The following TCAIM variants were observed in gnomAD, a reference collection of about 807,000 sequenced individuals.
The protein encoded by TCAIM is T-cell activation inhibitor, mitochondrial.
Under a neutral mutation model 58.6 loss-of-function variants are expected in TCAIM, and 36 were observed. The observed-to-expected ratio is 0.61, with a 90% CI of 0.47 to 0.81. The LOEUF is 0.81. TCAIM is among the 30% of genes least tolerant of loss of function. The probability of loss-of-function intolerance (pLI) is 0.00; values close to 1 mark genes in which losing one functional copy is unlikely to be tolerated. For synonymous variants in TCAIM, 172 were observed against 193.6 expected (o/e 0.89, Z 0.93); for missense variants, 466 against 579.6 (o/e 0.80, Z 2.01).
At position 44,372,064 on chromosome 3, in the gene TCAIM, A is replaced by AGGAAGGAAGGAAGGAG. The variant is rs765363531; in HGVS notation, c.572+4369_572+4370insGAGGGAAGGAAGGAAG. Reference sequence around the variant, plus strand: ...AAGGAAGGAAGGAAGGAAGGAAGGAAGGAAGGAAGGAAGATACAGTATTAG... The same window carrying AGGAAGGAAGGAAGGAG: ...AAGGAAGGAAGGAAGGAAGGAAGGAAGGAAGGAAGGAAGGAGGGAAGGAAGGAAGATACAGTATTAG... On this transcript the variant is annotated intron_variant, in intron 5 of 10. Transcript: ENST00000342649. Among the ~76,000 whole-genome samples the AGGAAGGAAGGAAGGAG allele has an allele frequency of 4.4e-3, 649 of 146,076 alleles. 8 individuals are homozygous for AGGAAGGAAGGAAGGAG. Among genetic ancestry groups the AGGAAGGAAGGAAGGAG allele is most frequent in the African/African-American group, 0.011 (442 of 38,464 alleles).
At chr3:44,343,124 G>A (rs557893637) in intron 1 of TCAIM, among the ~76,000 whole-genome samples, 6 of 151,366 alleles carry the variant, frequency 4.0e-5, no homozygotes, top group South Asian at 4.2e-4. Flanking sequence ...GTGACAGAGC[G>A]AGACTCTGTC....
chr3:44,341,455 G>C (rs1700853485), intron 1 of TCAIM: 1 of 152,172 alleles, frequency 6.6e-6, no homozygotes, highest in South Asian at 2.1e-4. Context: ...TGAATTAAAA[G>C]TATTTTTCTA....
chr3:44,384,386 T>G (rs567428972), intron 5 of TCAIM, among the ~76,000 whole-genome samples: 2 of 152,340 alleles, frequency 1.3e-5, no homozygotes, highest in South Asian at 4.1e-4. Context: ...ATAGTCAAAT[T>G]TCATGCTGTC....
chr3:44,348,365 C>T (rs1019272592), intron 1 of TCAIM, among the ~76,000 whole-genome samples: 3 of 151,556 alleles, frequency 2.0e-5, no homozygotes, highest in East Asian at 1.9e-4. Flanking sequence ...GAACAGCTCC[C>T]GGGCAAGTTG....
intron 1 of TCAIM, among the ~76,000 whole-genome samples, chr3:44,339,165 C>T (rs1293686157): frequency 1.3e-5 from 2 of 152,090 alleles, no homozygotes; most frequent in Non-Finnish European, 2.9e-5. Context: ...GCATTTCCTG[C>T]TTTTGCTCTT....
chr3:44,380,338 AT>A (rs1383557835), intron 5 of TCAIM, among the ~76,000 whole-genome samples: 1 of 152,158 alleles, frequency 6.6e-6, no homozygotes, highest in Admixed American at 6.5e-5. Flanking sequence ...AATTACACTG[AT>A]TTTTTACAAA....
chr3:44,361,062 T>C (rs1031864476), intron 3 of TCAIM, among the ~76,000 whole-genome samples: 1 of 152,222 alleles, frequency 6.6e-6, no homozygotes, highest in Non-Finnish European at 1.5e-5. Context: ...CAATCATTTA[T>C]TACTTTGGGA....
chr3:44,365,097 A>G (rs921124046), intron 4 of TCAIM, among the ~76,000 whole-genome samples: 2 of 133,106 alleles, frequency 1.5e-5, no homozygotes, highest in African/African-American at 5.2e-5. Flanking sequence ...TTGACTTTGC[A>G]CTTCTGAGGA....
chr3:44,400,134 C>T (rs1701998767), intron 8 of TCAIM, among the ~76,000 whole-genome samples: 1 of 152,014 alleles, frequency 6.6e-6, no homozygotes, highest in African/African-American at 2.4e-5. Flanking sequence ...TTTGGAACCT[C>T]ACAAATTCCC....
chr3:44,399,549 T>G (rs555452701), intron 8 of TCAIM, among the ~76,000 whole-genome samples: 2 of 152,188 alleles, frequency 1.3e-5, no homozygotes, highest in Non-Finnish European at 2.9e-5. Context: ...CCTTCAGCCC[T>G]TCTCTTTCCA....
At chr3:44,362,376 A>G in intron 4 of TCAIM, 1 of 400,816 alleles carries the variant, frequency 2.5e-6, no homozygotes, top group Non-Finnish European at 4.4e-6. Flanking sequence ...GGCCACTCAC[A>G]TGGAAGATCC....
In TCAIM at chr3:44,397,856, C is replaced by T. The variant is rs137939301; in HGVS notation, c.885+1022C>T. Among the ~76,000 whole-genome samples the T allele has an allele frequency of 4.2e-3, 640 of 152,166 alleles. 9 individuals are homozygous for T. Among genetic ancestry groups the T allele is most frequent in the African/African-American group, 0.014 (587 of 41,500 alleles). ...CATCCACATATCTTCTTTAGTGAAG[C>T]GTCTGTTCAAATCAAATATTTATTT... On this transcript the variant is annotated intron_variant, in intron 8 of 10. Transcript: ENST00000342649.
intron 5 of TCAIM, among the ~76,000 whole-genome samples, chr3:44,385,085 T>C (rs1273705529): frequency 6.6e-6 from 1 of 152,116 alleles, no homozygotes; most frequent in Non-Finnish European, 1.5e-5. Flanking sequence ...GAAACAGAAA[T>C]GGGATATGCA....
At chr3:44,382,187 C>T (rs1271399038) in intron 5 of TCAIM, among the ~76,000 whole-genome samples, 1 of 152,162 alleles carries the variant, frequency 6.6e-6, no homozygotes, top group East Asian at 1.9e-4. Context: ...AAGAGCAAAG[C>T]TGGAGAACTC....
At chr3:44,397,537 TTGA>T (rs1358898381) in intron 8 of TCAIM, among the ~76,000 whole-genome samples, 2 of 152,222 alleles carry the variant, frequency 1.3e-5, no homozygotes, top group African/African-American at 2.4e-5. Flanking sequence ...CATTCACCTG[TTGA>T]TGAACATAGG....
rs1702130648 is a variant in TCAIM, at chr3:44,408,219, G to T, written c.*537G>T. The T allele has an allele frequency of 6.6e-6, 1 of 152,174 alleles. No individual in the cohort carries two copies. The highest frequency in any genetic ancestry group is 2.1e-4 in the South Asian group (1 of 4,830). The allele number at this position is 152,174 out of a possible 1,614,324, so 9.4% of individuals were successfully genotyped here. A position where few individuals can be genotyped will look rare whatever the true frequency, so the allele number is the denominator to read the frequency against. ...AGAGGTATGTGTGTGTAAATATAAA[G>T]GTCTCACATTCAGAGTATAGCTCTG... On this transcript the variant is annotated 3_prime_UTR_variant, in exon 11 of 11. Coordinates refer to ENST00000342649, the MANE Select transcript of TCAIM (RefSeq NM_173826.4).
chr3:44,353,481 G>A (rs1457829696), intron 1 of TCAIM, among the ~76,000 whole-genome samples: 1 of 152,174 alleles, frequency 6.6e-6, no homozygotes, highest in Non-Finnish European at 1.5e-5. Context: ...AGTATGTTTA[G>A]TTTTGTAAGA....
intron 8 of TCAIM, 45 bp downstream of exon 8, chr3:44,396,879 C>T (rs1461520608): frequency 2.6e-6 from 4 of 1,557,740 alleles, no homozygotes; most frequent in Non-Finnish European, 3.5e-6. Context: ...CATTCATAAA[C>T]TTTCATTTCC....
intron 6 of TCAIM, among the ~76,000 whole-genome samples, chr3:44,394,835 A>G (rs1447300202): frequency 3.7e-5 from 5 of 135,404 alleles, no homozygotes; most frequent in African/African-American, 1.4e-4. Context: ...CAGAGGTTGC[A>G]GTGAGCCGAG....
Sources: gnomAD v4.1 joint callset for allele counts (sites outside exome capture counted in the v4.1 genomes callset) on GRCh38, gnomAD v4.1.1 for gene constraint, MANE v1.5 for transcripts, NCBI Gene and HGNC (gene_info 2026-07-23, HGNC 2026-07-21) for gene names.